CCDC73: variants seen among roughly 807,000 people sequenced by gnomAD.
The protein encoded by CCDC73 is coiled-coil domain-containing protein 73.
A neutral mutation model predicts 116.5 loss-of-function variants in CCDC73; 95 were observed. The observed-to-expected ratio is 0.82, with a 90% confidence interval of 0.69 to 0.97. The LOEUF (loss-of-function observed/expected upper bound fraction) is 0.97, where lower values mean the gene tolerates loss of function less well. CCDC73 is among the 50% of genes least tolerant of loss of function. The pLI is 0.00. For synonymous variants in CCDC73, 398 were observed against 401.3 expected, an observed-to-expected ratio of 0.99 and a Z score of 0.10; for missense variants, 1,066 against 1,206.8, an observed-to-expected ratio of 0.88 and a Z score of 1.73.
chr11:32,667,118 A>C (rs1447149992), intron 9 of CCDC73, among the ~76,000 whole-genome samples: 1 of 152,198 alleles, frequency 6.6e-6, no homozygotes, highest in African/African-American at 2.4e-5. Flanking sequence ...TCAGGGACCC[A>C]CTTGAGGAGG....
the CCDC73 span, among the ~76,000 whole-genome samples, chr11:32,809,350 G>A: frequency 3.4e-3 from 512 of 152,298 alleles, 3 homozygotes; most frequent in South Asian, 6.4e-3. Context: ...GAAGCTAAAG[G>A]AGCCTAAGTA....
chr11:32,684,027 T>C (rs928242829), intron 6 of CCDC73, among the ~76,000 whole-genome samples: 9 of 147,240 alleles, frequency 6.1e-5, no homozygotes, highest in African/African-American at 2.3e-4. Context: ...TCATTAACAC[T>C]TTGGTACTAC....
At chr11:32,669,220 T>G (rs4756150) in intron 9 of CCDC73, among the ~76,000 whole-genome samples, 86,984 of 151,958 alleles carry the variant, frequency 0.57, 25,276 homozygotes, top group East Asian at 0.84. Flanking sequence ...TTCATCCAAA[T>G]TCATATTTAT....
At chr11:32,815,285 C>G in the CCDC73 span, among the ~76,000 whole-genome samples, 3 of 151,396 alleles carry the variant, frequency 2.0e-5, no homozygotes, top group African/African-American at 7.3e-5. Flanking sequence ...CAACATAAAG[C>G]CTTTGAGATG....
At chr11:32,825,160 A>G in the CCDC73 span, among the ~76,000 whole-genome samples, 1 of 152,212 alleles carries the variant, frequency 6.6e-6, no homozygotes, top group East Asian at 1.9e-4. Context: ...TACATAAAAT[A>G]ACAAAGGAGA....
chr11:32,690,886 G>T (rs1185515678), intron 6 of CCDC73, among the ~76,000 whole-genome samples: 1 of 152,130 alleles, frequency 6.6e-6, no homozygotes, highest in African/African-American at 2.4e-5. Context: ...AAAGTTCACA[G>T]CTTACATTGG....
chr11:32,709,432 G>A (rs1387033466), intron 3 of CCDC73, among the ~76,000 whole-genome samples: 1 of 152,108 alleles, frequency 6.6e-6, no homozygotes, highest in Non-Finnish European at 1.5e-5. Context: ...GAGTAGCTGG[G>A]GCTGCAGGCG....
chr11:32,760,168 G>T lies in CCDC73; in HGVS notation c.76C>A (p.Gln26Lys). Reference sequence around the variant, plus strand: ...AAACTTGTTTTGAAATCTAATAGCTGAATAGAAAACAATGTCTCTGAAGAA... The same window carrying T: ...AAACTTGTTTTGAAATCTAATAGCTTAATAGAAAACAATGTCTCTGAAGAA... ...QSSSETLFSIQLLDFKTSLLE... is the reference protein window; with the variant it reads ...QSSSETLFSIKLLDFKTSLLE... Residue 26 changes from glutamine (Q) to lysine (K), a missense_variant, in exon 2 of 18, where the codon CAG becomes AAG. By Grantham distance (53) the Gln-to-Lys change is moderately conservative (BLOSUM62 1). Transcript: ENST00000335185. 1 of 1,602,462 alleles carries T rather than the reference G, an allele frequency of 6.2e-7. No homozygotes were observed. The highest frequency in any genetic ancestry group is 1.1e-5 in the South Asian group (1 of 89,832).
At chr11:32,621,928 T>C (rs572427841) in intron 14 of CCDC73, among the ~76,000 whole-genome samples, 89 of 152,168 alleles carry the variant, frequency 5.8e-4, no homozygotes, top group Non-Finnish European at 1.1e-3. Context: ...TCACTGATCA[T>C]TAGAGAAATG....
intron 2 of CCDC73, among the ~76,000 whole-genome samples, chr11:32,731,706 A>T (rs1468957128): frequency 6.6e-6 from 1 of 152,210 alleles, no homozygotes; most frequent in Non-Finnish European, 1.5e-5. Flanking sequence ...GAGGGTCCTG[A>T]CTGTTAGAAG....
chr11:32,653,910 C>T (rs1855848732), intron 11 of CCDC73, 68 bp downstream of exon 11: 2 of 1,533,978 alleles, frequency 1.3e-6, no homozygotes, highest in Admixed American at 3.9e-5. Context: ...CATGATTCCA[C>T]TTATTTTTTA....
chr11:32,731,605 C>A (rs184510577), intron 2 of CCDC73, among the ~76,000 whole-genome samples: 1 of 152,158 alleles, frequency 6.6e-6, no homozygotes, highest in African/African-American at 2.4e-5. Context: ...TGCTATTCTG[C>A]AATATTTGCA....
intron 9 of CCDC73, among the ~76,000 whole-genome samples, chr11:32,663,476 C>A (rs1448967978): frequency 6.6e-6 from 1 of 152,044 alleles, no homozygotes; most frequent in African/African-American, 2.4e-5. Context: ...TGATTTGGCT[C>A]TCTGTTTGTT....
chr11:32,732,418 C>T (rs1351259874), intron 2 of CCDC73, among the ~76,000 whole-genome samples: 2 of 152,032 alleles, frequency 1.3e-5, no homozygotes, highest in African/African-American at 4.8e-5. Context: ...ATACAGAGAA[C>T]ACCACAAAGA....
At position 32,665,050 on chromosome 11, in the gene CCDC73, C is replaced by T. The variant is rs576205337; in HGVS notation, c.646-10078G>A. Among the ~76,000 whole-genome samples the T allele has an allele frequency of 1.2e-4, 18 of 152,248 alleles. No homozygotes were observed. The East Asian group carries it at 3.1e-3, about 26-fold the overall frequency. Reference sequence around the variant, plus strand: ...GTTTGTTATAATTTCTGTTCTTCTACATTTGCTGAGGAGTGCTTTACTTCC... The same window carrying T: ...GTTTGTTATAATTTCTGTTCTTCTATATTTGCTGAGGAGTGCTTTACTTCC... On this transcript the variant is annotated intron_variant, in intron 9 of 17. Coordinates refer to ENST00000335185, the MANE Select transcript of CCDC73 (RefSeq NM_001008391.4).
intron 2 of CCDC73, among the ~76,000 whole-genome samples, chr11:32,745,793 T>C (rs1471065412): frequency 6.9e-6 from 1 of 145,066 alleles, no homozygotes; most frequent in African/African-American, 2.5e-5. Flanking sequence ...TCCTCCTCCA[T>C]CCCTTTATTT....
intron 1 of CCDC73, among the ~76,000 whole-genome samples, chr11:32,762,270 A>G (rs1850398976): frequency 6.6e-6 from 1 of 152,220 alleles, no homozygotes; most frequent in Admixed American, 6.5e-5. Flanking sequence ...AATCTTCTCA[A>G]AAGCATCAAA....
At chr11:32,809,760 T>C in the CCDC73 span, among the ~76,000 whole-genome samples, 1 of 152,246 alleles carries the variant, frequency 6.6e-6, no homozygotes, top group Non-Finnish European at 1.5e-5. Context: ...GATCATGACC[T>C]AATCCTTGAC....
intron 14 of CCDC73, among the ~76,000 whole-genome samples, chr11:32,627,412 C>T (rs541465127): frequency 2.0e-4 from 31 of 152,200 alleles, no homozygotes; most frequent in South Asian, 8.3e-4. Context: ...GTCAGTGTGG[C>T]GATTCTTCAG....
Sources: gnomAD v4.1 joint callset for allele counts (sites outside exome capture counted in the v4.1 genomes callset) on GRCh38, gnomAD v4.1.1 for gene constraint, MANE v1.5 for transcripts, NCBI Gene and HGNC (gene_info 2026-07-23, HGNC 2026-07-21) for gene names.